RASSF8: variants seen among roughly 807,000 people sequenced by gnomAD.
The protein encoded by RASSF8 is ras association domain-containing protein 8.
RASSF8 carries 22 observed loss-of-function variants against 48.5 expected under a neutral mutation model. That is an observed-to-expected ratio of 0.45 (90% CI 0.32 to 0.65). RASSF8 has a LOEUF of 0.65. Among genes scored for constraint, RASSF8 ranks in the 30% least tolerant of loss-of-function variants. The probability of loss-of-function intolerance (pLI) is 0.03; values close to 1 mark genes in which losing one functional copy is unlikely to be tolerated. For missense variants in RASSF8, 418 were observed against 489.2 expected (o/e 0.85, Z 1.37); for synonymous variants, 127 against 171.5 (o/e 0.74, Z 2.03).
At chr12:26,031,591 T>C (rs1943031717) in intron 2 of RASSF8, among the ~76,000 whole-genome samples, 1 of 152,136 alleles carries the variant, frequency 6.6e-6, no homozygotes, top group East Asian at 1.9e-4. Context: ...TATAAGGACC[T>C]GAGATGATAA....
chr12:26,064,356 G>A lies in RASSF8; in HGVS notation c.104-142G>A, dbSNP rs549886517. The A allele has an allele frequency of 2.9e-4, 219 of 743,300 alleles. 2 individuals are homozygous for A. In the African/African-American group the frequency reaches 3.5e-3, roughly 12 times the overall value. The allele number at this position is 743,300 out of a possible 1,614,324, so 46.0% of individuals were successfully genotyped here. A position where few individuals can be genotyped will look rare whatever the true frequency, so the allele number is the denominator to read the frequency against. ...AGGGGTTTGGTATCTTCAAGTAAAG[G>A]TTTTAAAGGAACCTGAACTAGACTC... On this transcript the variant is annotated intron_variant, in intron 3 of 5. Coordinates refer to ENST00000689635, the MANE Select transcript of RASSF8 (RefSeq NM_001394098.1).
At chr12:25,998,354 T>A (rs1304977873) in intron 2 of RASSF8, among the ~76,000 whole-genome samples, 1 of 151,482 alleles carries the variant, frequency 6.6e-6, no homozygotes, top group Non-Finnish European at 1.5e-5. Context: ...CAAAGCTTTT[T>A]TTTTTTTTTT....
At chr12:25,982,560 G>C (rs2136913518) in intron 1 of RASSF8, among the ~76,000 whole-genome samples, 1 of 152,284 alleles carries the variant, frequency 6.6e-6, no homozygotes, top group South Asian at 2.1e-4. Context: ...GAAAATAAAA[G>C]ACCAAACATT....
chr12:25,966,716 ATTTCTCCC>A, intron 1 of RASSF8, among the ~76,000 whole-genome samples: 1 of 152,240 alleles, frequency 6.6e-6, no homozygotes, highest in South Asian at 2.1e-4. Flanking sequence ...TTTGCAAAGA[ATTTCTCCC>A]AGTTTGTGTC....
chr12:26,074,253 T>G (rs950902674), downstream of RASSF8, among the ~76,000 whole-genome samples: 1 of 152,222 alleles, frequency 6.6e-6, no homozygotes, highest in African/African-American at 2.4e-5. Flanking sequence ...GGCATAAATA[T>G]GCTGGATGCG....
chr12:26,051,014 G>A (rs192472396), intron 2 of RASSF8, among the ~76,000 whole-genome samples: 2 of 152,202 alleles, frequency 1.3e-5, no homozygotes, highest in Admixed American at 6.5e-5. Context: ...AACATTTATT[G>A]GGTACAGTGA....
intron 2 of RASSF8, among the ~76,000 whole-genome samples, chr12:26,013,921 G>A (rs552480806): frequency 6.6e-6 from 1 of 152,280 alleles, no homozygotes; most frequent in East Asian, 1.9e-4. Context: ...GAATGAAATA[G>A]TTCTATTTTG....
chr12:25,961,922 C>T (rs1370902569), intron 1 of RASSF8, among the ~76,000 whole-genome samples: 4 of 152,038 alleles, frequency 2.6e-5, no homozygotes, highest in Admixed American at 2.0e-4. Flanking sequence ...TCTTTCAAAC[C>T]GGTCTGATTT....
intron 1 of RASSF8, among the ~76,000 whole-genome samples, chr12:25,971,181 A>G (rs1471782159): frequency 6.6e-6 from 1 of 152,180 alleles, no homozygotes; most frequent in Non-Finnish European, 1.5e-5. Flanking sequence ...ATTATAACTG[A>G]TTATGTCCTT....
intron 2 of RASSF8, among the ~76,000 whole-genome samples, chr12:26,040,520 C>T (rs1392170687): frequency 6.6e-6 from 1 of 152,134 alleles, no homozygotes; most frequent in Admixed American, 6.5e-5. Context: ...CGGGCTTGTG[C>T]CACAAAGTTT....
At chr12:26,037,147 T>G (rs906684189) in intron 2 of RASSF8, among the ~76,000 whole-genome samples, 3 of 152,172 alleles carry the variant, frequency 2.0e-5, no homozygotes, top group Non-Finnish European at 4.4e-5. Flanking sequence ...GATAATTGCT[T>G]GACAGTGCTG....
chr12:25,971,656 G>C (rs932245209), intron 1 of RASSF8, among the ~76,000 whole-genome samples: 1 of 152,122 alleles, frequency 6.6e-6, no homozygotes, highest in African/African-American at 2.4e-5. Context: ...TTTCTGTTAT[G>C]ATGTGTGTCT....
At chr12:26,045,985 G>A (rs566199012) in intron 2 of RASSF8, among the ~76,000 whole-genome samples, 20 of 152,202 alleles carry the variant, frequency 1.3e-4, no homozygotes, top group African/African-American at 4.8e-4. Flanking sequence ...TCTATTTTTG[G>A]CAGACAGATT....
intron 2 of RASSF8, among the ~76,000 whole-genome samples, chr12:26,017,663 G>A (rs1354199731): frequency 6.6e-6 from 1 of 152,202 alleles, no homozygotes; most frequent in Non-Finnish European, 1.5e-5. Context: ...GGTTGCTGCT[G>A]GCTCTTGTAC....
At chr12:25,969,000 G>T (rs534996778) in intron 1 of RASSF8, among the ~76,000 whole-genome samples, 4 of 152,146 alleles carry the variant, frequency 2.6e-5, no homozygotes, top group Non-Finnish European at 4.4e-5. Context: ...CAGATAGAGG[G>T]CACAGTGCAG....
intron 2 of RASSF8, among the ~76,000 whole-genome samples, chr12:26,038,557 A>G (rs914098967): frequency 2.6e-5 from 4 of 151,462 alleles, no homozygotes; most frequent in Admixed American, 1.3e-4. Context: ...TTTAATTCCC[A>G]AGATTAATTT....
At chr12:25,996,023 G>A (rs1296556703) in intron 2 of RASSF8, among the ~76,000 whole-genome samples, 1 of 152,194 alleles carries the variant, frequency 6.6e-6, no homozygotes, top group Non-Finnish European at 1.5e-5. Context: ...ATAATTGCTA[G>A]ATTATATGGA....
intron 2 of RASSF8, among the ~76,000 whole-genome samples, chr12:26,019,047 G>A (rs116272073): frequency 1.5e-3 from 225 of 152,300 alleles, no homozygotes; most frequent in African/African-American, 5.2e-3. Flanking sequence ...TGGGTCATAG[G>A]TGGCATGGGG....
At chr12:26,035,477 AATT>A (rs1565629661) in intron 2 of RASSF8, among the ~76,000 whole-genome samples, 37 of 113,390 alleles carry the variant, frequency 3.3e-4, no homozygotes, top group Non-Finnish European at 5.5e-4. Flanking sequence ...TATATTATAT[AATT>A]ATATAATTAT....
Sources: gnomAD v4.1 joint callset for allele counts (sites outside exome capture counted in the v4.1 genomes callset) on GRCh38, gnomAD v4.1.1 for gene constraint, MANE v1.5 for transcripts, NCBI Gene and HGNC (gene_info 2026-07-23, HGNC 2026-07-21) for gene names.